Variants in CD163L1 observed in about 807,000 individuals in gnomAD.
The protein encoded by CD163L1 is CD163 molecule like 1.
Under a neutral mutation model 165.4 loss-of-function variants are expected in CD163L1, and 124 were observed. The observed-to-expected ratio is 0.75, with a 90% CI of 0.65 to 0.87. The LOEUF (loss-of-function observed/expected upper bound fraction) is 0.87. Ranked by LOEUF, CD163L1 falls within the 40% of genes least tolerant of loss-of-function variation. CD163L1 has a pLI of 0.00. For synonymous variants in CD163L1, 585 were observed against 662.2 expected (o/e 0.88, Z 1.79); for missense variants, 1,525 against 1,799.9 (o/e 0.85, Z 2.76).
Position 7,398,706 on chromosome 12 carries a change from T to A in CD163L1, c.1409-122A>T. On this transcript the variant is annotated intron_variant, in intron 6 of 19. Coordinates refer to ENST00000313599, the MANE Select transcript of CD163L1 (RefSeq NM_174941.6). This position sits in a 1 kb window ranked among gnomAD's most constrained non-coding sequence, Gnocchi z 4.5. ...CTAACAGGTGATATATTAGGCACAC[T>A]TTTGAATGAAAAGTTTGGTTTTCTT... 1 of 743,246 alleles carries A rather than the reference T, an allele frequency of 1.3e-6. No homozygotes were observed. Among genetic ancestry groups the A allele is most frequent in the Non-Finnish European group, 2.0e-6 (1 of 511,334 alleles). The allele number at this position is 743,246 out of a possible 1,614,324, so 46.0% of individuals were successfully genotyped here. A position where few individuals can be genotyped will look rare whatever the true frequency, so the allele number is the denominator to read the frequency against.
At chr12:7,404,562 C>T (rs1195696263) in intron 5 of CD163L1, among the ~76,000 whole-genome samples, 1 of 151,938 alleles carries the variant, frequency 6.6e-6, no homozygotes, top group African/African-American at 2.4e-5. Context: ...ATTAAATAAC[C>T]CCAAGAAAGT....
chr12:7,421,057 G>GTGTA (rs1948352604), intron 4 of CD163L1, among the ~76,000 whole-genome samples: 1 of 79,398 alleles, frequency 1.3e-5, no homozygotes, highest in African/African-American at 6.9e-5. Flanking sequence ...ATGTATATAC[G>GTGTA]TATATATGTA....
chr12:7,444,141 C>A lies in CD163L1; in HGVS notation c.-14G>T. 2 of 1,613,606 alleles carry A rather than the reference C, an allele frequency of 1.2e-6. No homozygotes were observed. Among genetic ancestry groups the A allele is most frequent in the Non-Finnish European group, 1.7e-6 (2 of 1,179,668 alleles). On this transcript the variant is annotated 5_prime_UTR_variant, in exon 1 of 20. Transcript: ENST00000313599. The stretch of plus-strand genomic sequence containing the variant: ...AGGCAGCATCATTATGGGTCTATCT[C>A]TTCCTGAGTCCTGATGTAACTCCTG...
intron 4 of CD163L1, among the ~76,000 whole-genome samples, chr12:7,415,602 G>C (rs1046588011): frequency 2.6e-5 from 4 of 151,956 alleles, no homozygotes; most frequent in African/African-American, 9.7e-5. Context: ...ACAGGCCCTG[G>C]TGTGTGATGT....
intron 1 of CD163L1, among the ~76,000 whole-genome samples, chr12:7,442,750 G>A (rs187892289): frequency 5.2e-4 from 79 of 152,178 alleles, no homozygotes; most frequent in Middle Eastern, 3.4e-3. Flanking sequence ...GATTATCCTA[G>A]GAGGCCATTT....
intron 8 of CD163L1, among the ~76,000 whole-genome samples, chr12:7,384,174 A>G (rs997667748): frequency 6.6e-6 from 1 of 152,020 alleles, no homozygotes; most frequent in African/African-American, 2.4e-5. Flanking sequence ...AAAAACATAA[A>G]AAAAATCAAA....
chr12:7,412,364 T>C (rs1948153482), intron 4 of CD163L1, among the ~76,000 whole-genome samples: 1 of 152,304 alleles, frequency 6.6e-6, no homozygotes, highest in South Asian at 2.1e-4. Context: ...TCTCATATGC[T>C]GTATTACGCA....
chr12:7,324,588 T>C, the CD163L1 span: 4 of 1,613,854 alleles, frequency 2.5e-6, no homozygotes, highest in African/African-American at 1.3e-5. Flanking sequence ...CCAGATCAAA[T>C]CCGCGGAGAG....
intron 3 of CD163L1, 76 bp downstream of exon 3, chr12:7,433,298 A>G: frequency 5.2e-6 from 7 of 1,338,004 alleles, no homozygotes; most frequent in Non-Finnish European, 7.2e-6. Context: ...AAGTCATAAT[A>G]GAAACCCCTA....
At chr12:7,405,031 A>G (rs983028883) in intron 5 of CD163L1, among the ~76,000 whole-genome samples, 2 of 151,930 alleles carry the variant, frequency 1.3e-5, no homozygotes, top group Non-Finnish European at 2.9e-5. Flanking sequence ...CTAACTACCC[A>G]TTTTCCTGTG....
intron 8 of CD163L1, among the ~76,000 whole-genome samples, chr12:7,394,388 A>T (rs1457262629): frequency 6.6e-6 from 1 of 152,170 alleles, no homozygotes. Context: ...CTGGCTAGCC[A>T]TATGTAGAAA....
chr12:7,393,327 G>A (rs989452225), intron 8 of CD163L1, among the ~76,000 whole-genome samples: 4 of 152,084 alleles, frequency 2.6e-5, no homozygotes, highest in Non-Finnish European at 5.9e-5. Context: ...AAAACCACAT[G>A]ATTATCTCAA....
At chr12:7,367,784 G>A (rs899123865) in intron 17 of CD163L1, among the ~76,000 whole-genome samples, 1 of 152,170 alleles carries the variant, frequency 6.6e-6, no homozygotes, top group Non-Finnish European at 1.5e-5. Flanking sequence ...GGCTATTTCT[G>A]CAGTCTAGAT....
chr12:7,331,961 C>T, the CD163L1 span, among the ~76,000 whole-genome samples: 10 of 152,200 alleles, frequency 6.6e-5, no homozygotes, highest in Middle Eastern at 3.4e-3. Context: ...GAGAGAAGAA[C>T]GCTTCAGAAG....
rs186648369 is a variant in CD163L1 at position 7,359,858 on chromosome 12, C to A, written c.4280-2372G>T. 2.0e-5 allele frequency among the ~76,000 whole-genome samples: 3 copies of A among 152,174 alleles called. No homozygotes were observed. In the East Asian group the frequency reaches 5.8e-4, roughly 29 times the overall value. Reference sequence around the variant, plus strand: ...AAGACTTTGTTTAATTGTTTCCTGACCCCTTTAGAAATCTGTATTCATTTT... The same window carrying A: ...AAGACTTTGTTTAATTGTTTCCTGAACCCTTTAGAAATCTGTATTCATTTT... On this transcript the variant is annotated intron_variant, in intron 18 of 19. Coordinates refer to ENST00000313599, the MANE Select transcript of CD163L1 (RefSeq NM_174941.6).
intron 4 of CD163L1, among the ~76,000 whole-genome samples, chr12:7,417,155 G>T (rs1948260545): frequency 6.6e-6 from 1 of 152,018 alleles, no homozygotes; most frequent in Admixed American, 6.6e-5. Flanking sequence ...TGTATTCCTA[G>T]GTATTTTATT....
downstream of CD163L1, among the ~76,000 whole-genome samples, chr12:7,351,089 G>A (rs1946703908): frequency 6.6e-6 from 1 of 152,094 alleles, no homozygotes; most frequent in Non-Finnish European, 1.5e-5. Flanking sequence ...TAATTGTCAT[G>A]TCTCTTTATA....
At chr12:7,346,484 T>A (rs11052288), downstream of CD163L1, among the ~76,000 whole-genome samples, 1,149 of 152,308 alleles carry the variant, frequency 7.5e-3, 15 homozygotes, top group African/African-American at 0.026. Flanking sequence ...CTCTTTTTTT[T>A]CTCTGTCTGC....
In CD163L1 at chr12:7,369,574, G is replaced by A; in HGVS notation, c.3822C>T (p.Ser1274=). 6.2e-7 allele frequency: 1 copy of A among 1,614,160 alleles called. No individual in the cohort carries two copies. Among genetic ancestry groups the A allele is most frequent in the Non-Finnish European group, 8.5e-7 (1 of 1,180,016 alleles). The stretch of plus-strand genomic sequence containing the variant: ...CCACTTCCGCCTCGGCCAGGTCCCA[G>A]GAGTCATCACACACTGTGCCCCAGG... The part of the protein sequence containing the change: ...AGSWGTVCDD[S]WDLAEAEVVC... The change falls in exon 15 of 20, where the codon TCC becomes TCT. Residue 1274 remains serine, a synonymous_variant. Transcript: ENST00000313599. The surrounding 1 kb of genome is among the most constrained non-coding windows in gnomAD (Gnocchi z 4.9).
Sources: gnomAD v4.1 joint callset for allele counts (sites outside exome capture counted in the v4.1 genomes callset) on GRCh38, gnomAD v4.1.1 for gene constraint, Gnocchi (gnomAD v3.1) non-coding constraint, MANE v1.5 for transcripts, NCBI Gene and HGNC (gene_info 2026-07-23, HGNC 2026-07-21) for gene names.